Variants in STAU2 observed in about 807,000 individuals in gnomAD.
STAU2 encodes staufen double-stranded RNA binding protein 2.
Under a neutral mutation model 65.9 loss-of-function variants are expected in STAU2, and 20 were observed. That is an observed-to-expected ratio of 0.30 (90% confidence interval 0.21 to 0.44). The LOEUF (loss-of-function observed/expected upper bound fraction) is 0.44, where lower values mean the gene tolerates loss of function less well. Ranked by LOEUF, STAU2 falls within the 20% of genes least tolerant of loss-of-function variation. The pLI is 1.00. For missense variants in STAU2, 558 were observed against 683.9 expected, an observed-to-expected ratio of 0.82 and a Z score of 2.05; for synonymous variants, 232 against 233.9, an observed-to-expected ratio of 0.99 and a Z score of 0.07.
chr8:73,599,126 C>A (rs1811435297), intron 10 of STAU2, among the ~76,000 whole-genome samples: 1 of 152,130 alleles, frequency 6.6e-6, no homozygotes. Flanking sequence ...TTTTACAATA[C>A]TTGAACAAGA....
intron 12 of STAU2, among the ~76,000 whole-genome samples, chr8:73,569,129 C>T (rs745563571): frequency 1.1e-4 from 16 of 152,228 alleles, no homozygotes; most frequent in African/African-American, 2.4e-4. Context: ...GCTTTTCCAA[C>T]GGTCTTAGCA....
At chr8:73,515,010 C>T (rs1265509851) in intron 13 of STAU2, among the ~76,000 whole-genome samples, 1 of 152,112 alleles carries the variant, frequency 6.6e-6, no homozygotes, top group South Asian at 2.1e-4. Flanking sequence ...GTTTCTTGAT[C>T]TTCAATGAAA....
At chr8:73,626,474 A>C (rs1291063580) in intron 6 of STAU2, among the ~76,000 whole-genome samples, 2 of 152,230 alleles carry the variant, frequency 1.3e-5, no homozygotes, top group Non-Finnish European at 2.9e-5. Context: ...AAAGTGGCAC[A>C]ATCTGACATG....
intron 4 of STAU2, among the ~76,000 whole-genome samples, chr8:73,700,013 G>A (rs1189350224): frequency 1.3e-5 from 2 of 152,016 alleles, no homozygotes; most frequent in Non-Finnish European, 2.9e-5. Context: ...TGCAAGGATG[G>A]CTCAACACAC....
chr8:73,667,167 T>A (rs1412680840), intron 6 of STAU2, among the ~76,000 whole-genome samples: 2 of 152,144 alleles, frequency 1.3e-5, no homozygotes, highest in Non-Finnish European at 2.9e-5. Context: ...CTCCTCTCCA[T>A]CTGCACTATT....
At chr8:73,568,731 C>G (rs1463193428) in intron 12 of STAU2, among the ~76,000 whole-genome samples, 1 of 152,098 alleles carries the variant, frequency 6.6e-6, no homozygotes, top group Non-Finnish European at 1.5e-5. Context: ...ACTCTCAATG[C>G]AGTGGGGAAT....
chr8:73,598,044 T>C lies in STAU2; in HGVS notation c.1030-2747A>G, dbSNP rs73330803. 3.5e-3 allele frequency among the ~76,000 whole-genome samples: 539 copies of C among 152,196 alleles called. 4 individuals are homozygous for C. Among genetic ancestry groups the C allele is most frequent in the African/African-American group, 0.011 (460 of 41,534 alleles). On this transcript the variant is annotated intron_variant, in intron 10 of 14. Transcript: ENST00000524300. ...AAAATTTACAGAACAGTTTCACTCATGAACATAGATGCAAAAGTTTTAAAC... is the reference window on the plus strand; with the variant it reads ...AAAATTTACAGAACAGTTTCACTCACGAACATAGATGCAAAAGTTTTAAAC...
At chr8:73,711,712 A>G (rs985994967) in intron 3 of STAU2, among the ~76,000 whole-genome samples, 7 of 152,128 alleles carry the variant, frequency 4.6e-5, no homozygotes, top group Non-Finnish European at 8.8e-5. Context: ...ATGTTAACAA[A>G]TAACATGGTA....
chr8:73,651,025 T>C (rs1412384865), intron 6 of STAU2, among the ~76,000 whole-genome samples: 1 of 152,176 alleles, frequency 6.6e-6, no homozygotes, highest in Admixed American at 6.5e-5. Flanking sequence ...GCGTCCCTCC[T>C]CCTCCCCACC....
intron 13 of STAU2, among the ~76,000 whole-genome samples, chr8:73,447,247 T>C (rs1818516909): frequency 6.6e-6 from 1 of 152,204 alleles, no homozygotes; most frequent in Non-Finnish European, 1.5e-5. Flanking sequence ...ACCAGCCAAT[T>C]ATTATATTCT....
At chr8:73,686,559 A>C (rs999675159) in intron 5 of STAU2, among the ~76,000 whole-genome samples, 2 of 151,830 alleles carry the variant, frequency 1.3e-5, no homozygotes, top group Non-Finnish European at 2.9e-5. Flanking sequence ...AAAAAAAAAA[A>C]AAAACAATGG....
At chr8:73,730,816 G>A (rs989846311) in intron 3 of STAU2, among the ~76,000 whole-genome samples, 9 of 150,872 alleles carry the variant, frequency 6.0e-5, no homozygotes, top group African/African-American at 2.2e-4. Flanking sequence ...AGGTCTAGTT[G>A]ATTAATACTG....
intron 13 of STAU2, among the ~76,000 whole-genome samples, chr8:73,436,913 C>G (rs1351336131): frequency 6.6e-6 from 1 of 152,120 alleles, no homozygotes; most frequent in African/African-American, 2.4e-5. Context: ...TTTCAGGTGT[C>G]TCACTCCATG....
chr8:73,565,591 G>A (rs1012241501), intron 12 of STAU2, among the ~76,000 whole-genome samples: 2 of 152,044 alleles, frequency 1.3e-5, no homozygotes, highest in African/African-American at 4.8e-5. Context: ...ATTGTGTGGT[G>A]GTAGGAAGTA....
chr8:73,456,566 G>A (rs1819083146), intron 13 of STAU2, among the ~76,000 whole-genome samples: 1 of 152,146 alleles, frequency 6.6e-6, no homozygotes, highest in South Asian at 2.1e-4. Flanking sequence ...CCTCATGGCA[G>A]GAAGGGAGGG....
chr8:73,639,413 C>T (rs28576139), intron 6 of STAU2, among the ~76,000 whole-genome samples: 41,806 of 151,624 alleles, frequency 0.28, 6,211 homozygotes, highest in East Asian at 0.45. Context: ...AATTTATTAC[C>T]AAAACATCTG....
At chr8:73,646,332 C>T (rs920232315) in intron 6 of STAU2, among the ~76,000 whole-genome samples, 1 of 152,188 alleles carries the variant, frequency 6.6e-6, no homozygotes, top group Non-Finnish European at 1.5e-5. Flanking sequence ...TATTTTAACA[C>T]TTATTATGTA....
chr8:73,643,288 A>G (rs1015383536), intron 6 of STAU2, among the ~76,000 whole-genome samples: 2 of 152,228 alleles, frequency 1.3e-5, no homozygotes, highest in Non-Finnish European at 2.9e-5. Context: ...CAAATATGGT[A>G]AAGACCCTAA....
At chr8:73,732,809 C>T (rs564014543) in intron 3 of STAU2, 11 of 152,120 alleles carry the variant, frequency 7.2e-5, no homozygotes, top group Admixed American at 2.0e-4. Flanking sequence ...AAATGTCTGC[C>T]GTCTGCCCTC....
Sources: allele counts gnomAD v4.1 joint callset (sites outside exome capture counted in the v4.1 genomes callset), GRCh38; gene constraint gnomAD v4.1.1; transcripts MANE v1.5; gene names NCBI Gene and HGNC (gene_info 2026-07-23, HGNC 2026-07-21).